Variants in GRIN2B observed in about 807,000 individuals in gnomAD.
GRIN2B encodes the protein glutamate receptor ionotropic, NMDA 2B.
In GRIN2B, 5 loss-of-function variants were observed where a neutral mutation model predicts 114.5. The ratio of observed to expected loss-of-function variants is 0.04; its 90% CI spans 0.02 to 0.09. The LOEUF is 0.09. Among genes scored for constraint, GRIN2B ranks in the 10% least tolerant of loss-of-function variants. The pLI, the probability that GRIN2B is intolerant of heterozygous loss-of-function variation, is 1.00. For synonymous variants in GRIN2B, 787 were observed against 745.1 expected (o/e 1.06, Z -0.92); for missense variants, 1,108 against 1,943.5 (o/e 0.57, Z 8.08).
intron 2 of GRIN2B, among the ~76,000 whole-genome samples, chr12:13,968,335 A>G (rs1217832087): frequency 6.6e-6 from 1 of 152,162 alleles, no homozygotes; most frequent in Admixed American, 6.5e-5. Flanking sequence ...CTTATGGTTG[A>G]GGAGATTTTT....
intron 2 of GRIN2B, among the ~76,000 whole-genome samples, chr12:13,940,795 G>C (rs763143714): frequency 1.2e-4 from 18 of 152,102 alleles, no homozygotes; most frequent in Non-Finnish European, 2.4e-4. Flanking sequence ...AAGCCATTCT[G>C]TAACGGATGA....
intron 3 of GRIN2B, among the ~76,000 whole-genome samples, chr12:13,858,328 T>C (rs566700934): frequency 1.9e-3 from 295 of 152,316 alleles, no homozygotes; most frequent in African/African-American, 6.9e-3. Flanking sequence ...AATAGAATTA[T>C]AGCAATAAAC....
chr12:13,955,039 A>T (rs957490144), intron 2 of GRIN2B, among the ~76,000 whole-genome samples: 4 of 151,976 alleles, frequency 2.6e-5, no homozygotes, highest in Admixed American at 6.6e-5. Flanking sequence ...AGCCTTCCCC[A>T]ATGTACCCAT....
chr12:13,829,430 A>G (rs1039778762), intron 3 of GRIN2B, among the ~76,000 whole-genome samples: 8 of 152,160 alleles, frequency 5.3e-5, no homozygotes. Context: ...GAACATAGAG[A>G]TAGGCTTGTG....
At chr12:13,865,375 T>G (rs1232368518) in intron 3 of GRIN2B, among the ~76,000 whole-genome samples, 2 of 152,208 alleles carry the variant, frequency 1.3e-5, no homozygotes, top group Non-Finnish European at 2.9e-5. Context: ...CTCACGCCTG[T>G]AATCCCAGCG....
intron 3 of GRIN2B, among the ~76,000 whole-genome samples, chr12:13,834,386 C>T (rs1168839103): frequency 6.6e-6 from 1 of 151,978 alleles, no homozygotes; most frequent in Non-Finnish European, 1.5e-5. Context: ...GGAAGTTCCA[C>T]CAGCAGCTTT....
At chr12:13,979,551 T>C (rs1863094105) in intron 2 of GRIN2B, among the ~76,000 whole-genome samples, 1 of 151,108 alleles carries the variant, frequency 6.6e-6, no homozygotes, top group Non-Finnish European at 1.5e-5. Flanking sequence ...AAAAAGGATT[T>C]CTAGATTCCC....
In GRIN2B at chr12:13,608,824, C is replaced by T; in HGVS notation, c.1789G>A (p.Gly597Arg). ...GCTTTGCCGATGGTGAAAGAGGGTC[C>T]ACCAGGCTCTGGCATGACAAAAAGA... ...RCLADGREPG[G>R]PSFTIGKAIW... is the part of the protein sequence containing the mutation. Residue 597 changes from glycine to arginine, a missense_variant, in exon 10 of 14, where the codon GGA becomes AGA. Gly to Arg is a moderately radical substitution (Grantham distance 125, BLOSUM62 -2). Coordinates refer to ENST00000609686, the MANE Select transcript of GRIN2B (RefSeq NM_000834.5). 1 of 1,613,238 alleles carries T rather than the reference C, an allele frequency of 6.2e-7. No homozygotes were observed. The highest frequency in any genetic ancestry group is 8.5e-7 in the Non-Finnish European group (1 of 1,179,182).
chr12:13,963,875 T>C (rs1867742506), intron 2 of GRIN2B, among the ~76,000 whole-genome samples: 1 of 152,204 alleles, frequency 6.6e-6, no homozygotes, highest in African/African-American at 2.4e-5. Flanking sequence ...TGTAAGGCAC[T>C]GCTTGGCACC....
chr12:13,679,627 ATAGAT>A (rs1257957330), intron 4 of GRIN2B, among the ~76,000 whole-genome samples: 2 of 152,208 alleles, frequency 1.3e-5, no homozygotes, highest in Non-Finnish European at 2.9e-5. Flanking sequence ...TCAGCAGCAT[ATAGAT>A]TAATCATTCA....
In GRIN2B at chr12:13,558,397, GTTTTTCCAAAAGC is replaced by G. The variant is rs2136395833; in HGVS notation, c.*4373_*4385del. On this transcript the variant is annotated 3_prime_UTR_variant, in exon 14 of 14. Transcript: ENST00000609686. ...AAAGAATAAAGTGAGTTCTGGAATA[GTTTTTCCAAAAGC>G]TTATTGCCCAAACAATCTGGTTATT... 1 of 150,112 alleles carries G rather than the reference GTTTTTCCAAAAGC, an allele frequency of 6.7e-6. No individual in the cohort carries two copies. The highest frequency in any genetic ancestry group is 2.5e-5 in the African/African-American group (1 of 40,726). The allele number at this position is 150,112 out of a possible 1,614,324, so 9.3% of individuals were successfully genotyped here.
chr12:13,581,864 C>T (rs929565206), intron 10 of GRIN2B, among the ~76,000 whole-genome samples: 6 of 145,402 alleles, frequency 4.1e-5, no homozygotes, highest in Admixed American at 7.0e-5. Context: ...GAGCCAAAAT[C>T]GTGTCACTGC....
intron 3 of GRIN2B, among the ~76,000 whole-genome samples, chr12:13,791,345 GA>G (rs113878312): frequency 0.026 from 3,993 of 151,862 alleles, 74 homozygotes; most frequent in Middle Eastern, 0.079. Flanking sequence ...CAGCTACTCG[GA>G]GAGGCTGAGG....
intron 3 of GRIN2B, among the ~76,000 whole-genome samples, chr12:13,794,519 C>A (rs1185439377): frequency 6.6e-6 from 1 of 152,130 alleles, no homozygotes; most frequent in Non-Finnish European, 1.5e-5. Flanking sequence ...CCCCCCGGAC[C>A]CGAAATACCC....
chr12:13,704,212 G>C (rs1370907976), intron 4 of GRIN2B, among the ~76,000 whole-genome samples: 1 of 152,104 alleles, frequency 6.6e-6, no homozygotes, highest in Non-Finnish European at 1.5e-5. Context: ...GATGCTCAAG[G>C]GTAGGATGCA....
intron 2 of GRIN2B, among the ~76,000 whole-genome samples, chr12:13,910,662 A>C (rs761574367): frequency 9.2e-5 from 14 of 152,246 alleles, no homozygotes; most frequent in Non-Finnish European, 1.9e-4. Context: ...TTCCCAAGGA[A>C]ATTTTTTGTT....
chr12:13,916,737 TTG>T lies in GRIN2B; in HGVS notation c.-18-50513_-18-50512del, dbSNP rs57501769. ...TACACACACACACACACACACACAT[TTG>T]TGTGTGTGTGTGTGTGTGTGTATTT... On this transcript the variant is annotated intron_variant, in intron 2 of 13. Transcript: ENST00000609686. Among the ~76,000 whole-genome samples the T allele has an allele frequency of 1.1e-3, 158 of 139,940 alleles. 2 individuals are homozygous for T. The South Asian group carries it at 0.03, about 26-fold the overall frequency. The allele number at this position is 139,940 out of a possible 152,430, so 91.8% of individuals were successfully genotyped here.
At chr12:13,745,847 C>A (rs1039336800) in intron 4 of GRIN2B, among the ~76,000 whole-genome samples, 9 of 152,202 alleles carry the variant, frequency 5.9e-5, no homozygotes, top group African/African-American at 1.7e-4. Context: ...GATCCCTGGG[C>A]CTCGGGTTCC....
chr12:13,659,066 A>G (rs1949895265), intron 5 of GRIN2B, among the ~76,000 whole-genome samples: 1 of 152,096 alleles, frequency 6.6e-6, no homozygotes, highest in Admixed American at 6.6e-5. Context: ...GCCTTCAATT[A>G]TCCCCTCCGT....
Sources: gnomAD v4.1 joint callset for allele counts (sites outside exome capture counted in the v4.1 genomes callset) on GRCh38, gnomAD v4.1.1 for gene constraint, MANE v1.5 for transcripts, NCBI Gene and HGNC (gene_info 2026-07-23, HGNC 2026-07-21) for gene names.